SNTG1: variants seen among roughly 807,000 people sequenced by gnomAD.
The protein encoded by SNTG1 is gamma-1-syntrophin.
A neutral mutation model predicts 74.7 loss-of-function variants in SNTG1; 39 were observed. The observed-to-expected ratio is 0.52, with a 90% CI of 0.40 to 0.68. The LOEUF is 0.68. SNTG1 is among the 30% of genes least tolerant of loss of function. The probability of loss-of-function intolerance (pLI) is 0.00; values close to 1 mark genes in which losing one functional copy is unlikely to be tolerated. For synonymous variants in SNTG1, 254 were observed against 217.1 expected, an observed-to-expected ratio of 1.17 and a Z score of -1.49; for missense variants, 685 against 609.5, an observed-to-expected ratio of 1.12 and a Z score of -1.30.
intron 2 of SNTG1, among the ~76,000 whole-genome samples, chr8:50,225,185 G>GA (rs2132019906): frequency 6.6e-6 from 1 of 152,128 alleles, no homozygotes; most frequent in East Asian, 1.9e-4. Context: ...TGTTAGACAG[G>GA]ATGGTCTTGA....
intron 8 of SNTG1, among the ~76,000 whole-genome samples, chr8:50,496,215 T>C (rs1387405355): frequency 6.6e-6 from 1 of 152,156 alleles, no homozygotes; most frequent in Non-Finnish European, 1.5e-5. Context: ...GTGACCGTTT[T>C]CCATCATTGT....
intron 15 of SNTG1, among the ~76,000 whole-genome samples, chr8:50,689,460 G>A (rs570251761): frequency 1.2e-4 from 19 of 152,168 alleles, no homozygotes; most frequent in Middle Eastern, 3.4e-3. Context: ...AGCATGAAGC[G>A]TTGTTGAATT....
At position 50,437,858 on chromosome 8, in the gene SNTG1, T is replaced by A. The variant is rs2093320299; in HGVS notation, c.163-685T>A. ...ACAGGATTTGTCTAAATGTAGCTCT[T>A]TGTTCTCATGCCATCATCTTTGTGA... On this transcript the variant is annotated intron_variant, in intron 4 of 18. Coordinates refer to ENST00000642720, the MANE Select transcript of SNTG1 (RefSeq NM_018967.5). Among the ~76,000 whole-genome samples the A allele has an allele frequency of 2.6e-5, 4 of 152,320 alleles. No individual in the cohort carries two copies. The South Asian group carries it at 8.3e-4, about 32-fold the overall frequency.
rs187364784 is a variant in SNTG1 at position 50,513,198 on chromosome 8, C to A, written c.466+10318C>A. 3.5e-3 allele frequency among the ~76,000 whole-genome samples: 536 copies of A among 152,304 alleles called. 3 individuals are homozygous for A. The highest frequency in any genetic ancestry group is 7.0e-3 in the South Asian group (34 of 4,826). ...GAGGTCCACTCCAGACCCTGTTTGC[C>A]TGGGTATCAGCAGTGGAGGCTGCAG... On this transcript the variant is annotated intron_variant, in intron 9 of 18. Transcript: ENST00000642720.
chr8:50,040,881 C>T (rs1818577841), intron 1 of SNTG1, among the ~76,000 whole-genome samples: 1 of 152,046 alleles, frequency 6.6e-6, no homozygotes, highest in Non-Finnish European at 1.5e-5. Context: ...CACAAAGGGG[C>T]ATTTTTTAAA....
At chr8:50,635,558 C>G (rs2095033686) in intron 13 of SNTG1, among the ~76,000 whole-genome samples, 1 of 152,196 alleles carries the variant, frequency 6.6e-6, no homozygotes, top group African/African-American at 2.4e-5. Context: ...GAGTCTCTCC[C>G]CATGGTCACC....
chr8:49,998,400 GC>G (rs1563450248), intron 1 of SNTG1, among the ~76,000 whole-genome samples: 1 of 151,868 alleles, frequency 6.6e-6, no homozygotes, highest in African/African-American at 2.4e-5. Context: ...ATAAACCTTA[GC>G]CTGCTGTAAC....
intron 1 of SNTG1, among the ~76,000 whole-genome samples, chr8:50,060,516 G>GT (rs1820379458): frequency 6.6e-6 from 1 of 151,692 alleles, no homozygotes; most frequent in Non-Finnish European, 1.5e-5. Context: ...TAATTCTGAG[G>GT]TTTTTTAGAT....
chr8:50,190,440 T>C (rs1221597840), intron 2 of SNTG1, among the ~76,000 whole-genome samples: 1 of 152,162 alleles, frequency 6.6e-6, no homozygotes, highest in Non-Finnish European at 1.5e-5. Flanking sequence ...TTGATAACAT[T>C]GATAACATCA....
At chr8:50,518,910 T>C (rs1389246814) in intron 9 of SNTG1, among the ~76,000 whole-genome samples, 1 of 152,180 alleles carries the variant, frequency 6.6e-6, no homozygotes, top group Non-Finnish European at 1.5e-5. Context: ...TCTGAAACTA[T>C]TCCAAACCAT....
At chr8:50,553,209 AG>A (rs1217933737) in intron 12 of SNTG1, 30 bp downstream of exon 12, 9 of 1,612,624 alleles carry the variant, frequency 5.6e-6, no homozygotes, top group South Asian at 1.1e-5. Flanking sequence ...ATACCTAGCC[AG>A]GGTTTCTCAG....
chr8:50,106,042 C>G (rs932883558), intron 1 of SNTG1, among the ~76,000 whole-genome samples: 23 of 152,062 alleles, frequency 1.5e-4, no homozygotes, highest in African/African-American at 5.6e-4. Flanking sequence ...TGCCTGATTG[C>G]TTTAGCTAGG....
At position 50,118,878 on chromosome 8, in the gene SNTG1, G is replaced by C. The variant is rs77489442; in HGVS notation, c.-102-53683G>C. Among the ~76,000 whole-genome samples the C allele has an allele frequency of 9.9e-3, 1,396 of 141,546 alleles. 184 individuals carry two copies. The highest frequency in any genetic ancestry group is 0.033 in the African/African-American group (1,310 of 39,190). 92.9% of individuals were successfully genotyped at this position (141,546 alleles called of 152,430 possible). A position where few individuals can be genotyped will look rare whatever the true frequency, so the allele number is the denominator to read the frequency against. On this transcript the variant is annotated intron_variant, in intron 1 of 18. Coordinates refer to ENST00000642720, the MANE Select transcript of SNTG1 (RefSeq NM_018967.5). ...CTTTAAATTAAAAGACTTGGAGGTA[G>C]AGTAATGGGATCTAGAACTTCTTTG...
chr8:50,499,405 A>G (rs1251573539), intron 8 of SNTG1, among the ~76,000 whole-genome samples: 1 of 148,710 alleles, frequency 6.7e-6, no homozygotes, highest in African/African-American at 2.4e-5. Context: ...AAGATTAGTT[A>G]TGATTAGTTC....
chr8:50,366,824 A>G (rs2092126477), intron 2 of SNTG1, among the ~76,000 whole-genome samples: 1 of 144,708 alleles, frequency 6.9e-6, no homozygotes, highest in Middle Eastern at 3.8e-3. Flanking sequence ...TATATAATAT[A>G]TATACCATTA....
chr8:50,643,587 C>T (rs1289895545), intron 13 of SNTG1, among the ~76,000 whole-genome samples: 1 of 152,168 alleles, frequency 6.6e-6, no homozygotes, highest in Non-Finnish European at 1.5e-5. Flanking sequence ...ACAGAGAACT[C>T]GTGGTATGTT....
chr8:50,038,503 G>A (rs1204527745), intron 1 of SNTG1, among the ~76,000 whole-genome samples: 2 of 152,232 alleles, frequency 1.3e-5, no homozygotes, highest in Admixed American at 1.3e-4. Flanking sequence ...TCCTGTCAAA[G>A]GTATTACTAT....
intron 9 of SNTG1, among the ~76,000 whole-genome samples, chr8:50,525,017 C>T (rs1260496498): frequency 6.6e-6 from 1 of 152,004 alleles, no homozygotes; most frequent in Non-Finnish European, 1.5e-5. Flanking sequence ...TGTTCTTTTA[C>T]TTCAATTTGA....
At chr8:50,276,845 T>C (rs1399438793) in intron 2 of SNTG1, among the ~76,000 whole-genome samples, 1 of 151,708 alleles carries the variant, frequency 6.6e-6, no homozygotes, top group Non-Finnish European at 1.5e-5. Flanking sequence ...TTTTTTTCTT[T>C]TCTTTTTTTT....
Sources: gnomAD v4.1 joint callset for allele counts (sites outside exome capture counted in the v4.1 genomes callset) on GRCh38, gnomAD v4.1.1 for gene constraint, MANE v1.5 for transcripts, NCBI Gene and HGNC (gene_info 2026-07-23, HGNC 2026-07-21) for gene names.